Variants in AGR3 observed in about 807,000 individuals in gnomAD.
The protein encoded by AGR3 is anterior gradient protein 3.
AGR3 carries 37 observed loss-of-function variants against 24.5 expected under a neutral mutation model. The observed-to-expected ratio is 1.51, with a 90% CI of 1.16 to 1.99. The LOEUF (loss-of-function observed/expected upper bound fraction) is 1.99. Ranked by LOEUF, AGR3 falls within the 30% of genes most tolerant of loss-of-function variation. The pLI, the probability that AGR3 is intolerant of heterozygous loss-of-function variation, is 0.00. For synonymous variants in AGR3, 75 were observed against 61.6 expected, an observed-to-expected ratio of 1.22 and a Z score of -1.02; for missense variants, 228 against 191.1, an observed-to-expected ratio of 1.19 and a Z score of -1.14.
chr7:16,876,175 T>C (rs1022088442), intron 2 of AGR3, among the ~76,000 whole-genome samples: 1 of 152,186 alleles, frequency 6.6e-6, no homozygotes, highest in African/African-American at 2.4e-5. Flanking sequence ...ATTATAATGA[T>C]TTTTTATTTA....
chr7:16,862,707 G>C, intron 3 of AGR3, 45 bp from the exon 4 acceptor site: 1 of 1,347,514 alleles, frequency 7.4e-7, no homozygotes, highest in Non-Finnish European at 1.0e-6. Context: ...TTAACTTTGG[G>C]TCAAAATATA....
chr7:16,881,855 A>T, intron 1 of AGR3, 89 bp downstream of exon 1: 1 of 459,604 alleles, frequency 2.2e-6, no homozygotes, highest in South Asian at 1.6e-5. Flanking sequence ...CTTTACTGAA[A>T]GCTTCACTTT....
At chr7:16,875,733 T>C (rs1781975388) in intron 2 of AGR3, among the ~76,000 whole-genome samples, 1 of 152,112 alleles carries the variant, frequency 6.6e-6, no homozygotes, top group African/African-American at 2.4e-5. Flanking sequence ...CAGCAACATT[T>C]TTGTTTTTTG....
chr7:16,866,759 A>AT (rs1211834856), intron 3 of AGR3, among the ~76,000 whole-genome samples: 2 of 151,846 alleles, frequency 1.3e-5, no homozygotes, highest in Non-Finnish European at 2.9e-5. Flanking sequence ...TTCTTTGCTC[A>AT]TTTTTTTCTG....
At chr7:16,865,071 T>G (rs1238051833) in intron 3 of AGR3, 13 of 780,438 alleles carry the variant, frequency 1.7e-5, no homozygotes, top group Middle Eastern at 5.5e-4. Flanking sequence ...TGAGTCTGAT[T>G]CTGTTAAAGA....
chr7:16,859,130 G>A (rs1781592910), downstream of AGR3, among the ~76,000 whole-genome samples: 1 of 152,020 alleles, frequency 6.6e-6, no homozygotes, highest in Non-Finnish European at 1.5e-5. Context: ...AGGAACAGTG[G>A]CTCAGGCCTA....
At position 16,878,608 on chromosome 7, in the gene AGR3, T is replaced by G. The variant is rs757210432; in HGVS notation, c.11A>C (p.His4Pro). 7 of 1,613,878 alleles carry G rather than the reference T, an allele frequency of 4.3e-6. No homozygotes were observed. The highest frequency in any genetic ancestry group is 5.1e-6 in the Non-Finnish European group (6 of 1,179,826). The change falls in exon 2 of 8, where the codon CAC becomes CCC. Residue 4 changes from histidine (H) to proline (P), a missense_variant. By Grantham distance (77) the His-to-Pro change is moderately conservative. Coordinates refer to ENST00000310398, the MANE Select transcript of AGR3 (RefSeq NM_176813.5). ...TAAGAGGCAGAGACCCAAAGCTGAG[T>G]GTAGCATCATGTCTTCTAGAGACTC... MML[H>P]SALGLCLLLV...
At chr7:16,871,514 G>C (rs1781863750) in intron 3 of AGR3, among the ~76,000 whole-genome samples, 1 of 151,866 alleles carries the variant, frequency 6.6e-6, no homozygotes, top group Non-Finnish European at 1.5e-5. Flanking sequence ...CAAACTAGCT[G>C]AAAAAAAGAA....
chr7:16,877,634 C>T (rs1013857194), intron 2 of AGR3, among the ~76,000 whole-genome samples: 5 of 151,796 alleles, frequency 3.3e-5, no homozygotes, highest in South Asian at 2.1e-4. Flanking sequence ...GAGGCCGAGG[C>T]GGGCGGATCA....
chr7:16,864,738 C>T, intron 3 of AGR3: 2 of 1,441,572 alleles, frequency 1.4e-6, no homozygotes, highest in South Asian at 2.3e-5. Context: ...GCGGTGTGTG[C>T]GAGGGTCAAA....
At chr7:16,875,635 C>T (rs1335246584) in intron 2 of AGR3, among the ~76,000 whole-genome samples, 1 of 152,072 alleles carries the variant, frequency 6.6e-6, no homozygotes, top group African/African-American at 2.4e-5. Flanking sequence ...AGGAGTGGAA[C>T]TGCTGATCAA....
chr7:16,873,594 G>T (rs555773991), intron 3 of AGR3, 186 bp downstream of exon 3: 1 of 577,964 alleles, frequency 1.7e-6, no homozygotes, highest in East Asian at 2.9e-5. Flanking sequence ...CTAGTAGAGA[G>T]GATTTTGAGT....
At chr7:16,865,798 T>C (rs1781748065) in intron 3 of AGR3, 1 of 748,140 alleles carries the variant, frequency 1.3e-6, no homozygotes, top group Non-Finnish European at 2.5e-6. Flanking sequence ...AATCATCTTT[T>C]TGGAAATCTG....
At chr7:16,877,725 T>C (rs1782014827) in intron 2 of AGR3, among the ~76,000 whole-genome samples, 2 of 152,024 alleles carry the variant, frequency 1.3e-5, no homozygotes, top group East Asian at 1.9e-4. Flanking sequence ...TAGCCGGGCA[T>C]GGTGGCGGGC....
chr7:16,862,885 G>C (rs1187593092), intron 3 of AGR3, among the ~76,000 whole-genome samples: 4 of 152,092 alleles, frequency 2.6e-5, no homozygotes, highest in Non-Finnish European at 4.4e-5. Flanking sequence ...AAATTCAAAG[G>C]CTCCGTTCCC....
chr7:16,864,862 T>G, intron 3 of AGR3: 2 of 866,258 alleles, frequency 2.3e-6, no homozygotes. Flanking sequence ...TGTATTCCAG[T>G]CACCACTGAG....
chr7:16,863,142 T>C (rs1781682652), intron 3 of AGR3, among the ~76,000 whole-genome samples: 1 of 152,140 alleles, frequency 6.6e-6, no homozygotes, highest in African/African-American at 2.4e-5. Context: ...GGGTTAGGGG[T>C]GGTTTCAGGA....
chr7:16,863,893 A>T (rs1186514161), intron 3 of AGR3, among the ~76,000 whole-genome samples: 1 of 151,996 alleles, frequency 6.6e-6, no homozygotes, highest in African/African-American at 2.4e-5. Context: ...TACACCCATA[A>T]TTGCATCCTA....
At chr7:16,877,845 A>G (rs1018370569) in intron 2 of AGR3, among the ~76,000 whole-genome samples, 12 of 144,602 alleles carry the variant, frequency 8.3e-5, no homozygotes, top group Admixed American at 6.3e-4. Context: ...CCTGGGTGAC[A>G]GAGCAAGACT....
Sources: gnomAD v4.1 joint callset for allele counts (sites outside exome capture counted in the v4.1 genomes callset) on GRCh38, gnomAD v4.1.1 for gene constraint, MANE v1.5 for transcripts, NCBI Gene and HGNC (gene_info 2026-07-23, HGNC 2026-07-21) for gene names.